CADM1: variants seen among roughly 807,000 people sequenced by gnomAD.
CADM1 encodes TSLC-1.
Under a neutral mutation model 53.1 loss-of-function variants are expected in CADM1, and 15 were observed. That is an observed-to-expected ratio of 0.28 (90% CI 0.19 to 0.44). The LOEUF (loss-of-function observed/expected upper bound fraction) is 0.44. Ranked by LOEUF, CADM1 falls within the 20% of genes least tolerant of loss-of-function variation. CADM1 has a pLI of 1.00. For synonymous variants in CADM1, 281 were observed against 243.0 expected (o/e 1.16, Z -1.45); for missense variants, 434 against 611.3 (o/e 0.71, Z 3.06).
intron 1 of CADM1, among the ~76,000 whole-genome samples, chr11:115,315,656 C>T (rs931331152): frequency 1.5e-5 from 2 of 136,448 alleles, no homozygotes; most frequent in Admixed American, 7.7e-5. Flanking sequence ...ACACACATCA[C>T]ATATGTTTAG....
At chr11:115,368,439 A>G (rs1211411892) in intron 1 of CADM1, among the ~76,000 whole-genome samples, 2 of 152,154 alleles carry the variant, frequency 1.3e-5, no homozygotes, top group Non-Finnish European at 2.9e-5. Flanking sequence ...AACTTCTTCA[A>G]GCATCATAAG....
chr11:115,205,923 C>T (rs1483242640), intron 8 of CADM1, among the ~76,000 whole-genome samples: 3 of 152,196 alleles, frequency 2.0e-5, no homozygotes, highest in Non-Finnish European at 4.4e-5. Context: ...ACAGATGCTC[C>T]TTGACTTTCG....
chr11:115,235,306 T>C (rs145181774), intron 3 of CADM1, among the ~76,000 whole-genome samples: 41 of 152,308 alleles, frequency 2.7e-4, no homozygotes, highest in Admixed American at 7.8e-4. Flanking sequence ...GTTTTTCCTT[T>C]AGCTTCACAA....
At chr11:115,236,325 G>A (rs1942010256) in intron 3 of CADM1, among the ~76,000 whole-genome samples, 1 of 152,132 alleles carries the variant, frequency 6.6e-6, no homozygotes, top group Admixed American at 6.6e-5. Flanking sequence ...TCAGATTTTG[G>A]AAAATGAAGG....
intron 1 of CADM1, among the ~76,000 whole-genome samples, chr11:115,477,978 T>A (rs1238071945): frequency 6.6e-6 from 1 of 152,220 alleles, no homozygotes; most frequent in African/African-American, 2.4e-5. Flanking sequence ...GAGGTTCAAT[T>A]CTACTCAAAA....
chr11:115,262,001 G>A (rs974030941), intron 1 of CADM1, among the ~76,000 whole-genome samples: 14 of 151,864 alleles, frequency 9.2e-5, no homozygotes, highest in East Asian at 1.9e-4. Flanking sequence ...GGATGGTCTC[G>A]ATCTCCTGAC....
chr11:115,471,019 G>A (rs1948999329), intron 1 of CADM1, among the ~76,000 whole-genome samples: 1 of 152,182 alleles, frequency 6.6e-6, no homozygotes, highest in African/African-American at 2.4e-5. Flanking sequence ...AACATCAGAG[G>A]AGAGGGAATT....
At chr11:115,468,672 C>T (rs1156850945) in intron 1 of CADM1, among the ~76,000 whole-genome samples, 2 of 152,094 alleles carry the variant, frequency 1.3e-5, no homozygotes, top group South Asian at 2.1e-4. Flanking sequence ...ATCATACAGG[C>T]ATGCTCCAAA....
chr11:115,298,031 A>G (rs553239479), intron 1 of CADM1, among the ~76,000 whole-genome samples: 68 of 152,334 alleles, frequency 4.5e-4, no homozygotes, highest in African/African-American at 1.5e-3. Flanking sequence ...GAGGCAGAAT[A>G]TGCAGTTTGT....
chr11:115,306,072 C>CCACACACACACACA (rs6144515), intron 1 of CADM1, among the ~76,000 whole-genome samples: 12,325 of 130,234 alleles, frequency 0.095, 776 homozygotes, highest in Non-Finnish European at 0.1. Context: ...AGGATATATA[C>CCACACACACACACA]CACACACACA....
intron 1 of CADM1, among the ~76,000 whole-genome samples, chr11:115,390,788 C>A (rs979217140): frequency 6.6e-6 from 1 of 151,936 alleles, no homozygotes; most frequent in Non-Finnish European, 1.5e-5. Context: ...CTGTTTAAGA[C>A]CTTCACATTT....
intron 1 of CADM1, among the ~76,000 whole-genome samples, chr11:115,431,950 T>C (rs1035139444): frequency 6.6e-6 from 1 of 151,138 alleles, no homozygotes; most frequent in African/African-American, 2.4e-5. Context: ...ATAATATATA[T>C]AATACCATAT....
chr11:115,429,390 C>A (rs220833), intron 1 of CADM1, among the ~76,000 whole-genome samples: 152,091 of 152,100 alleles, frequency 1, 76,041 homozygotes, highest in Middle Eastern at 1. Flanking sequence ...GGTGGGGATC[C>A]CCTGAGCTCG....
intron 1 of CADM1, among the ~76,000 whole-genome samples, chr11:115,249,376 G>A (rs1340908980): frequency 6.6e-6 from 1 of 152,220 alleles, no homozygotes; most frequent in Non-Finnish European, 1.5e-5. Context: ...TTTTAAAAGG[G>A]ATGAACTGTG....
chr11:115,497,862 C>T (rs1046985480), intron 1 of CADM1, among the ~76,000 whole-genome samples: 3 of 151,852 alleles, frequency 2.0e-5, no homozygotes, highest in African/African-American at 7.3e-5. Context: ...GCCATTCGGA[C>T]CCCTCAAAAT....
At chr11:115,320,447 TAA>T (rs1248138714) in intron 1 of CADM1, among the ~76,000 whole-genome samples, 1 of 152,168 alleles carries the variant, frequency 6.6e-6, no homozygotes, top group Non-Finnish European at 1.5e-5. Context: ...TGTTTCCATA[TAA>T]ATAAAATTTG....
At chr11:115,435,817 C>T (rs768791295) in intron 1 of CADM1, among the ~76,000 whole-genome samples, 8 of 152,162 alleles carry the variant, frequency 5.3e-5, no homozygotes, top group African/African-American at 9.7e-5. Context: ...TTACAACAAC[C>T]GACCTGAGTG....
chr11:115,344,344 T>G (rs549310401), intron 1 of CADM1, among the ~76,000 whole-genome samples: 13 of 152,336 alleles, frequency 8.5e-5, no homozygotes, highest in African/African-American at 2.9e-4. Flanking sequence ...TATTTCTCCT[T>G]TAACTATCAT....
intron 1 of CADM1, among the ~76,000 whole-genome samples, chr11:115,452,669 A>G (rs1332985375): frequency 6.6e-6 from 1 of 152,200 alleles, no homozygotes; most frequent in East Asian, 1.9e-4. Context: ...GCAAACATAG[A>G]TGGAGAGATA....
Sources: allele counts gnomAD v4.1 joint callset (sites outside exome capture counted in the v4.1 genomes callset), GRCh38; gene constraint gnomAD v4.1.1; transcripts MANE v1.5; gene names NCBI Gene and HGNC (gene_info 2026-07-23, HGNC 2026-07-21).